The following USP54 variants were observed in gnomAD, a reference collection of about 807,000 sequenced individuals.
The protein encoded by USP54 is ubiquitin carboxyl-terminal hydrolase 54.
Under a neutral mutation model 170.5 loss-of-function variants are expected in USP54, and 87 were observed. The observed-to-expected ratio is 0.51, with a 90% CI of 0.43 to 0.61. USP54 has a LOEUF of 0.61. USP54 is among the 20% of genes least tolerant of loss of function. USP54 has a pLI of 0.00. For missense variants in USP54, 1,786 were observed against 2,047.8 expected, an observed-to-expected ratio of 0.87 and a Z score of 2.47; for synonymous variants, 655 against 742.8, an observed-to-expected ratio of 0.88 and a Z score of 1.92.
intron 16 of USP54, among the ~76,000 whole-genome samples, chr10:73,525,056 A>G (rs2062613493): frequency 6.6e-6 from 1 of 152,204 alleles, no homozygotes; most frequent in South Asian, 2.1e-4. Context: ...AAGGATGTCC[A>G]TAATAAATTA....
intron 1 of USP54, among the ~76,000 whole-genome samples, chr10:73,583,585 C>T (rs569683837): frequency 6.6e-6 from 1 of 151,808 alleles, no homozygotes; most frequent in Non-Finnish European, 1.5e-5. Context: ...TGCACCTGGC[C>T]AAAAAAAATT....
chr10:73,516,206 A>C (rs1464810944), intron 20 of USP54, among the ~76,000 whole-genome samples, 169 bp downstream of exon 20: 1 of 152,178 alleles, frequency 6.6e-6, no homozygotes, highest in East Asian at 1.9e-4. Context: ...TCTAGCCAGA[A>C]AAATGTCTAG....
intron 2 of USP54, 54 bp downstream of exon 2, chr10:73,575,744 G>T: frequency 1.4e-6 from 2 of 1,429,330 alleles, no homozygotes; most frequent in Non-Finnish European, 1.9e-6. Context: ...GTTCTAAAAG[G>T]AAAGGGAATC....
At chr10:73,520,066 A>G in intron 18 of USP54, 74 bp from the exon 19 acceptor site, 2 of 1,524,284 alleles carry the variant, frequency 1.3e-6, no homozygotes. Context: ...AAAATTGAAA[A>G]AAAATGAGCA....
Position 73,505,222 on chromosome 10 carries a change from T to C in USP54, c.4170+86A>G, listed in dbSNP as rs1219332805. On this transcript the variant is annotated intron_variant, in intron 21 of 23. Coordinates refer to ENST00000687698, the MANE Select transcript of USP54 (RefSeq NM_001391956.1). ...AGCCCCATATCACCATGCCTCTGCC[T>C]TATCATCATCCCTGTCACATCTCTC... 1.8e-5 allele frequency: 25 copies of C among 1,388,636 alleles called. No homozygotes were observed. The South Asian group carries it at 3.2e-4, about 18-fold the overall frequency. The allele number at this position is 1,388,636 out of a possible 1,614,324, so 86.0% of individuals were successfully genotyped here.
At chr10:73,523,438 T>A in intron 17 of USP54, 145 bp downstream of exon 17, 1 of 991,380 alleles carries the variant, frequency 1.0e-6, no homozygotes, top group Non-Finnish European at 1.5e-6. Context: ...CATCCTACTC[T>A]AACTTGTTCT....
chr10:73,559,454 G>A (rs2072205068), intron 4 of USP54, among the ~76,000 whole-genome samples: 1 of 151,808 alleles, frequency 6.6e-6, no homozygotes, highest in Admixed American at 6.6e-5. Context: ...CAGCTACTAG[G>A]GAGGCTGAGG....
rs72814322 is a variant in USP54 at position 73,602,570 on chromosome 10, T to C, written c.-18+22997A>G. 8.8e-3 allele frequency among the ~76,000 whole-genome samples: 1,065 copies of C among 121,112 alleles called. 8 individuals are homozygous for C. In the Middle Eastern group the frequency reaches 0.1, roughly 12 times the overall value. The allele number at this position is 121,112 out of a possible 152,430, so 79.5% of individuals were successfully genotyped here. A position where few individuals can be genotyped will look rare whatever the true frequency, so the allele number is the denominator to read the frequency against. On this transcript the variant is annotated intron_variant, in intron 1 of 22. Transcript: ENST00000339859. ...TCTGATTCAAAAAAAAAAAATAGTA[T>C]AATAGTGGCCAGGCACTGTGGCTCA...
At chr10:73,575,416 G>C in intron 3 of USP54, 96 bp downstream of exon 3, 1 of 1,339,952 alleles carries the variant, frequency 7.5e-7, no homozygotes, top group Non-Finnish European at 9.7e-7. Context: ...ACCTCAAACA[G>C]AGACTATCAA....
intron 22 of USP54, among the ~76,000 whole-genome samples, chr10:73,501,248 A>G (rs1433824641): frequency 3.9e-5 from 6 of 152,304 alleles, no homozygotes; most frequent in South Asian, 4.1e-4. Flanking sequence ...ATGAAACTAT[A>G]TATGTTTAAA....
chr10:73,615,518 C>T (rs1009761512), intron 1 of USP54, among the ~76,000 whole-genome samples: 2 of 150,120 alleles, frequency 1.3e-5, no homozygotes, highest in African/African-American at 2.5e-5. Context: ...GGATGAATTC[C>T]CCATTTTACA....
intron 1 of USP54, among the ~76,000 whole-genome samples, chr10:73,584,667 T>C (rs192597171): frequency 6.6e-6 from 1 of 152,286 alleles, no homozygotes; most frequent in African/African-American, 2.4e-5. Flanking sequence ...CTAAATTAAC[T>C]ATAATTTATA....
intron 1 of USP54, among the ~76,000 whole-genome samples, chr10:73,606,655 G>A (rs1224206115): frequency 6.6e-6 from 1 of 152,114 alleles, no homozygotes; most frequent in African/African-American, 2.4e-5. Context: ...GAGGTGGGCA[G>A]ATCACAAGGT....
intron 10 of USP54, chr10:73,538,450 G>GT (rs1284635226): frequency 6.6e-6 from 1 of 151,762 alleles, no homozygotes; most frequent in African/African-American, 2.4e-5. Context: ...CAAAGCCCAC[G>GT]TAAGGAGCTG....
intron 4 of USP54, among the ~76,000 whole-genome samples, chr10:73,569,397 T>C (rs943933350): frequency 6.6e-6 from 1 of 152,236 alleles, no homozygotes; most frequent in South Asian, 2.1e-4. Context: ...AGAAATGTTA[T>C]ATTCAACTTG....
intron 4 of USP54, among the ~76,000 whole-genome samples, chr10:73,550,964 G>C (rs1162221651): frequency 6.6e-6 from 1 of 152,074 alleles, no homozygotes; most frequent in Non-Finnish European, 1.5e-5. Flanking sequence ...AATTATCCAG[G>C]CATGGTGGCA....
chr10:73,519,889 C>G lies in USP54; in HGVS notation c.2586G>C (p.Gln862His). Reference sequence around the variant, plus strand: ...GTGATTGCTGCTGCTGCATGCGATCCTGCAGGCTCCGTGCTTTTCGAATAC... The same window carrying G: ...GTGATTGCTGCTGCTGCATGCGATCGTGCAGGCTCCGTGCTTTTCGAATAC... ...QISIRKARSL[Q>H]DRMQQQQSPQ... is the part of the protein sequence containing the mutation. Residue 862 changes from glutamine to histidine, a missense_variant, in exon 19 of 24, where the codon CAG (glutamine) becomes CAC (histidine). Physicochemically the swap from Gln to His is conservative, Grantham distance 24. Transcript: ENST00000687698. 1 of 1,614,136 alleles carries G rather than the reference C, an allele frequency of 6.2e-7. No homozygotes were observed. The highest frequency in any genetic ancestry group is 8.5e-7 in the Non-Finnish European group (1 of 1,180,030).
At chr10:73,614,562 A>C (rs1372109118) in intron 1 of USP54, among the ~76,000 whole-genome samples, 1 of 108,846 alleles carries the variant, frequency 9.2e-6, no homozygotes, top group Non-Finnish European at 1.8e-5. Flanking sequence ...CTCCGTCTCC[A>C]AAAAAAAAAA....
At chr10:73,553,908 C>T (rs1273163472) in intron 4 of USP54, among the ~76,000 whole-genome samples, 1 of 152,178 alleles carries the variant, frequency 6.6e-6, no homozygotes, top group Non-Finnish European at 1.5e-5. Flanking sequence ...TGCTTCCCCA[C>T]CCATCTCTCT....
Sources: allele counts gnomAD v4.1 joint callset (sites outside exome capture counted in the v4.1 genomes callset), GRCh38; gene constraint gnomAD v4.1.1; transcripts MANE v1.5; gene names NCBI Gene and HGNC (gene_info 2026-07-23, HGNC 2026-07-21).